The following PPP3CA variants were observed in gnomAD, a reference collection of about 807,000 sequenced individuals.
PPP3CA encodes protein phosphatase 3 catalytic subunit alpha, also known as CAM-PRP catalytic subunit.
Under a neutral mutation model 66.5 loss-of-function variants are expected in PPP3CA, and 14 were observed. That is an observed-to-expected ratio of 0.21 (90% CI 0.14 to 0.33). The LOEUF (loss-of-function observed/expected upper bound fraction) is 0.33. PPP3CA is among the 10% of genes least tolerant of loss of function. The pLI, the probability that PPP3CA is intolerant of heterozygous loss-of-function variation, is 1.00. For missense variants in PPP3CA, 317 were observed against 639.5 expected (o/e 0.50, Z 5.44); for synonymous variants, 232 against 226.2 (o/e 1.03, Z -0.23).
intron 1 of PPP3CA, among the ~76,000 whole-genome samples, chr4:101,210,356 T>C (rs1725263243): frequency 1.3e-5 from 2 of 152,146 alleles, no homozygotes; most frequent in African/African-American, 4.8e-5. Flanking sequence ...GTGAAGGAGT[T>C]AAAAGTATGA....
chr4:101,216,371 T>A (rs1361386893), intron 1 of PPP3CA, among the ~76,000 whole-genome samples: 1 of 152,146 alleles, frequency 6.6e-6, no homozygotes, highest in Non-Finnish European at 1.5e-5. Flanking sequence ...CACTTTTGAA[T>A]CCTGTATTTT....
intron 2 of PPP3CA, among the ~76,000 whole-genome samples, chr4:101,153,295 A>C (rs566294596): frequency 1.3e-5 from 2 of 152,298 alleles, no homozygotes; most frequent in South Asian, 4.1e-4. Flanking sequence ...TCAACATGGA[A>C]CCTAAAGAAA....
intron 2 of PPP3CA, among the ~76,000 whole-genome samples, chr4:101,166,809 T>C (rs867760915): frequency 3.0e-4 from 46 of 152,344 alleles, no homozygotes; most frequent in African/African-American, 1.1e-3. Flanking sequence ...ACATTGTATA[T>C]TTCCTTAGGG....
At chr4:101,278,149 T>TAAAAAAAAAAAAA (rs1200528599) in intron 1 of PPP3CA, among the ~76,000 whole-genome samples, 14 of 119,498 alleles carry the variant, frequency 1.2e-4, no homozygotes, top group African/African-American at 5.4e-4. Context: ...ATAAAAAAAT[T>TAAAAAAAAAAAAA]AAAAAGTTAT....
intron 1 of PPP3CA, among the ~76,000 whole-genome samples, chr4:101,271,116 C>T (rs1294363302): frequency 6.6e-6 from 1 of 152,024 alleles, no homozygotes; most frequent in African/African-American, 2.4e-5. Flanking sequence ...AAACTGTTCT[C>T]CAAATAACAG....
chr4:101,065,113 T>G (rs978483100), intron 8 of PPP3CA, among the ~76,000 whole-genome samples: 1 of 152,034 alleles, frequency 6.6e-6, no homozygotes, highest in Non-Finnish European at 1.5e-5. Flanking sequence ...CATTCCCTTT[T>G]ACATTGCTTT....
intron 1 of PPP3CA, among the ~76,000 whole-genome samples, chr4:101,324,007 G>C (rs1450657711): frequency 1.3e-5 from 2 of 152,090 alleles, no homozygotes; most frequent in African/African-American, 4.8e-5. Context: ...CAGCTACTCA[G>C]AAGGCTGAGG....
At chr4:101,091,096 C>T (rs1010233284) in intron 6 of PPP3CA, among the ~76,000 whole-genome samples, 6 of 151,936 alleles carry the variant, frequency 3.9e-5, no homozygotes, top group Non-Finnish European at 7.4e-5. Flanking sequence ...GACACGAAAA[C>T]GAATAGAATG....
chr4:101,049,017 CTT>C (rs1180896951), intron 10 of PPP3CA, among the ~76,000 whole-genome samples: 1 of 152,072 alleles, frequency 6.6e-6, no homozygotes, highest in African/African-American at 2.4e-5. Context: ...CTCCACCTCT[CTT>C]GTCATAAAAC....
chr4:101,064,755 T>C (rs1311843877), intron 8 of PPP3CA, among the ~76,000 whole-genome samples: 2 of 152,086 alleles, frequency 1.3e-5, no homozygotes, highest in Non-Finnish European at 2.9e-5. Flanking sequence ...GCAATGTCTC[T>C]GTTAAAATGT....
chr4:101,345,004 C>T lies in PPP3CA; in HGVS notation c.58+1735G>A, dbSNP rs151257899. ...TTTGAAAATGTCAACAGAAGCCTTT[C>T]ATGCAAAACACAGCTCTCTCAAATA... On this transcript the variant is annotated intron_variant, in intron 1 of 13. Coordinates refer to ENST00000394854, the MANE Select transcript of PPP3CA (RefSeq NM_000944.5). Among the ~76,000 whole-genome samples the T allele has an allele frequency of 1.9e-3, 286 of 152,308 alleles. 1 individual carries two copies. The highest frequency in any genetic ancestry group is 6.5e-3 in the African/African-American group (271 of 41,574).
chr4:101,160,625 T>A (rs539420293), intron 2 of PPP3CA, among the ~76,000 whole-genome samples: 7 of 152,176 alleles, frequency 4.6e-5, no homozygotes, highest in African/African-American at 1.4e-4. Flanking sequence ...TTGCTTAGAA[T>A]AAGCATATCC....
At chr4:101,282,133 G>A (rs1402389251) in intron 1 of PPP3CA, among the ~76,000 whole-genome samples, 8 of 152,200 alleles carry the variant, frequency 5.3e-5, no homozygotes, top group African/African-American at 1.2e-4. Context: ...TATGAGCTTA[G>A]ATAATCCACT....
At chr4:101,325,523 T>C (rs1729180590) in intron 1 of PPP3CA, among the ~76,000 whole-genome samples, 1 of 152,226 alleles carries the variant, frequency 6.6e-6, no homozygotes, top group Non-Finnish European at 1.5e-5. Flanking sequence ...AATAAATGAT[T>C]ACAGAACACA....
intron 2 of PPP3CA, among the ~76,000 whole-genome samples, chr4:101,118,261 C>T (rs933392746): frequency 6.6e-6 from 1 of 151,974 alleles, no homozygotes. Context: ...GACTACGATG[C>T]CAGACTGCTT....
intron 1 of PPP3CA, among the ~76,000 whole-genome samples, chr4:101,312,439 A>G (rs1728756469): frequency 6.6e-6 from 1 of 152,008 alleles, no homozygotes; most frequent in Non-Finnish European, 1.5e-5. Flanking sequence ...TTAAATAATA[A>G]AAGAATTCAC....
At chr4:101,228,138 G>A (rs913773078) in intron 1 of PPP3CA, among the ~76,000 whole-genome samples, 3 of 151,674 alleles carry the variant, frequency 2.0e-5, no homozygotes, top group Non-Finnish European at 4.4e-5. Flanking sequence ...ATTTTTCTAA[G>A]TAGACAACAA....
intron 1 of PPP3CA, among the ~76,000 whole-genome samples, chr4:101,248,504 T>C (rs185557321): frequency 7.9e-5 from 12 of 152,342 alleles, no homozygotes; most frequent in Admixed American, 1.3e-4. Context: ...TTATATGTCA[T>C]CACTTTCACT....
At chr4:101,285,056 A>G (rs952859808) in intron 1 of PPP3CA, among the ~76,000 whole-genome samples, 3 of 152,108 alleles carry the variant, frequency 2.0e-5, no homozygotes, top group African/African-American at 7.2e-5. Context: ...CCACACAAAC[A>G]CAAACCCAAA....
Sources: allele counts gnomAD v4.1 joint callset (sites outside exome capture counted in the v4.1 genomes callset), GRCh38; gene constraint gnomAD v4.1.1; transcripts MANE v1.5; gene names NCBI Gene and HGNC (gene_info 2026-07-23, HGNC 2026-07-21).